PRKCE: variants seen among roughly 807,000 people sequenced by gnomAD.
The protein encoded by PRKCE is protein kinase C epsilon type.
In PRKCE, 16 loss-of-function variants were observed where a neutral mutation model predicts 85.4. The ratio of observed to expected loss-of-function variants is 0.19; its 90% CI spans 0.13 to 0.28. The LOEUF is 0.28. Among genes scored for constraint, PRKCE ranks in the 10% least tolerant of loss-of-function variants. PRKCE has a pLI of 1.00. For synonymous variants in PRKCE, 388 were observed against 371.5 expected, an observed-to-expected ratio of 1.04 and a Z score of -0.51; for missense variants, 573 against 975.2, an observed-to-expected ratio of 0.59 and a Z score of 5.49.
intron 11 of PRKCE, among the ~76,000 whole-genome samples, chr2:46,117,055 A>T (rs551315060): frequency 1.7e-4 from 26 of 152,360 alleles, no homozygotes; most frequent in Non-Finnish European, 3.1e-4. Flanking sequence ...TGATGTTTCA[A>T]GGAAAGTGAA....
chr2:45,934,800 T>C (rs1410271065), intron 2 of PRKCE, among the ~76,000 whole-genome samples: 1 of 151,470 alleles, frequency 6.6e-6, no homozygotes, highest in Non-Finnish European at 1.5e-5. Flanking sequence ...ACACTTATAA[T>C]CTGAATACTT....
chr2:45,809,925 C>T lies in PRKCE; in HGVS notation c.349-33075C>T, dbSNP rs7583561. Among the ~76,000 whole-genome samples the T allele has an allele frequency of 1.7e-3, 252 of 152,080 alleles. 3 individuals are homozygous for T. The highest frequency in any genetic ancestry group is 5.5e-3 in the African/African-American group (230 of 41,480). Reference sequence around the variant, plus strand: ...GTACAAGCCCAAGGAGGGCATGGCTCTCCAAAATCACAGATAAAGGTCACC... The same window carrying T: ...GTACAAGCCCAAGGAGGGCATGGCTTTCCAAAATCACAGATAAAGGTCACC... On this transcript the variant is annotated intron_variant, in intron 1 of 14. Transcript: ENST00000306156.
At chr2:45,917,693 C>G (rs1317101326) in intron 2 of PRKCE, among the ~76,000 whole-genome samples, 1 of 152,186 alleles carries the variant, frequency 6.6e-6, no homozygotes, top group Non-Finnish European at 1.5e-5. Flanking sequence ...CTTGGGTGGT[C>G]GATGGGACTG....
chr2:46,053,904 T>C (rs13383891), intron 10 of PRKCE, among the ~76,000 whole-genome samples: 16,751 of 152,262 alleles, frequency 0.11, 1,327 homozygotes, highest in African/African-American at 0.23. Context: ...CTGACTCATA[T>C]AGTAGTTCTC....
chr2:46,027,780 T>A (rs1192074576), intron 10 of PRKCE, among the ~76,000 whole-genome samples: 1 of 152,220 alleles, frequency 6.6e-6, no homozygotes, highest in Non-Finnish European at 1.5e-5. Context: ...GTGTGGTGAC[T>A]GGTCCCATGG....
chr2:45,832,850 C>G (rs1391708048), intron 1 of PRKCE, among the ~76,000 whole-genome samples: 1 of 152,150 alleles, frequency 6.6e-6, no homozygotes, highest in African/African-American at 2.4e-5. Context: ...TGTCACCCAT[C>G]AAATGGTTAA....
chr2:45,814,798 T>C (rs1240902649), intron 1 of PRKCE, among the ~76,000 whole-genome samples: 3 of 152,146 alleles, frequency 2.0e-5, no homozygotes, highest in African/African-American at 7.2e-5. Context: ...TCATCCTCTC[T>C]GGAGGGAGGA....
chr2:45,759,981 G>A (rs981196527), intron 1 of PRKCE, among the ~76,000 whole-genome samples: 7 of 152,184 alleles, frequency 4.6e-5, no homozygotes, highest in African/African-American at 1.2e-4. Flanking sequence ...TCTTAGCTTA[G>A]GTCCCAGTTA....
rs767682086 is a variant in PRKCE, at chr2:45,898,397, CAGAG to C, written c.412+55337_412+55340del. Among the ~76,000 whole-genome samples, 125 of 152,290 alleles carry C rather than the reference CAGAG, an allele frequency of 8.2e-4. No individual in the cohort carries two copies. In the Middle Eastern group the frequency reaches 0.01, roughly 12 times the overall value. ...AGCTGTCTGTCTTCTCAGTGGGTAA[CAGAG>C]AGCAGCAGCAAAGGGTAGGGCATTT... On this transcript the variant is annotated intron_variant, in intron 2 of 14. Coordinates refer to ENST00000306156, the MANE Select transcript of PRKCE (RefSeq NM_005400.3).
intron 1 of PRKCE, among the ~76,000 whole-genome samples, chr2:45,811,963 T>C (rs1003124890): frequency 6.6e-6 from 1 of 152,362 alleles, no homozygotes; most frequent in Middle Eastern, 3.4e-3. Context: ...AATCCATTCA[T>C]TCATTCTTGC....
intron 1 of PRKCE, among the ~76,000 whole-genome samples, chr2:45,751,381 T>C (rs987058425): frequency 1.3e-5 from 2 of 152,236 alleles, no homozygotes; most frequent in African/African-American, 2.4e-5. Flanking sequence ...ATTAGGACTA[T>C]TTATACACTC....
chr2:46,085,699 T>A (rs1379933448), intron 10 of PRKCE, among the ~76,000 whole-genome samples: 2 of 129,080 alleles, frequency 1.5e-5, no homozygotes. Context: ...AACCTCCCTA[T>A]CTCAGGATCC....
intron 1 of PRKCE, chr2:45,686,474 A>G (rs1400055783): frequency 6.6e-6 from 1 of 152,248 alleles, no homozygotes; most frequent in Non-Finnish European, 1.5e-5. Context: ...TATCATGTGC[A>G]TATGATATGC....
chr2:45,764,080 C>T (rs1684725240), intron 1 of PRKCE, among the ~76,000 whole-genome samples: 1 of 152,102 alleles, frequency 6.6e-6, no homozygotes, highest in Admixed American at 6.5e-5. Context: ...TGGGTTGGGG[C>T]CAGTGCTTCA....
chr2:45,767,546 T>C (rs1363042897), intron 1 of PRKCE, among the ~76,000 whole-genome samples: 1 of 152,226 alleles, frequency 6.6e-6, no homozygotes, highest in Non-Finnish European at 1.5e-5. Flanking sequence ...GGTTTGGGCT[T>C]TGTAATACTG....
At chr2:45,662,463 A>G (rs1330704111) in intron 1 of PRKCE, among the ~76,000 whole-genome samples, 1 of 152,048 alleles carries the variant, frequency 6.6e-6, no homozygotes, top group African/African-American at 2.4e-5. Flanking sequence ...TATGAAATGT[A>G]TTGAATAGGG....
chr2:45,856,430 C>G (rs1201296763), intron 2 of PRKCE, among the ~76,000 whole-genome samples: 1 of 152,132 alleles, frequency 6.6e-6, no homozygotes, highest in Non-Finnish European at 1.5e-5. Context: ...GGATTTTCAC[C>G]ATGTTGGTCA....
intron 1 of PRKCE, chr2:45,685,655 A>G (rs1196116593): frequency 6.6e-6 from 1 of 152,194 alleles, no homozygotes; most frequent in Non-Finnish European, 1.5e-5. Context: ...TTAGCCAGCC[A>G]TTGTGGTATG....
At chr2:46,076,078 A>G (rs968218285) in intron 10 of PRKCE, among the ~76,000 whole-genome samples, 1 of 152,208 alleles carries the variant, frequency 6.6e-6, no homozygotes, top group East Asian at 1.9e-4. Flanking sequence ...AATGGAGGAA[A>G]AGAAAGAGTC....
Sources: gnomAD v4.1 joint callset for allele counts (sites outside exome capture counted in the v4.1 genomes callset) on GRCh38, gnomAD v4.1.1 for gene constraint, MANE v1.5 for transcripts, NCBI Gene and HGNC (gene_info 2026-07-23, HGNC 2026-07-21) for gene names.